The following SGCZ variants were observed in gnomAD, a reference collection of about 807,000 sequenced individuals.
SGCZ encodes zeta-sarcoglycan.
A neutral mutation model predicts 41.3 loss-of-function variants in SGCZ; 40 were observed. The observed-to-expected ratio is 0.97, with a 90% CI of 0.75 to 1.26. The LOEUF is 1.26. Among genes scored for constraint, SGCZ ranks in the 50% most tolerant of loss-of-function variants. The probability of loss-of-function intolerance (pLI) is 0.00; values close to 1 mark genes in which losing one functional copy is unlikely to be tolerated. For missense variants in SGCZ, 552 were observed against 369.8 expected (o/e 1.49, Z -4.04); for synonymous variants, 206 against 137.5 (o/e 1.50, Z -3.49).
chr8:14,620,252 C>T (rs1180074933), intron 1 of SGCZ, among the ~76,000 whole-genome samples: 1 of 152,120 alleles, frequency 6.6e-6, no homozygotes, highest in Non-Finnish European at 1.5e-5. Flanking sequence ...AAAGCTGAAA[C>T]TGGATCCCTT....
At chr8:14,139,935 A>T (rs1186153180) in intron 5 of SGCZ, among the ~76,000 whole-genome samples, 2 of 152,224 alleles carry the variant, frequency 1.3e-5, no homozygotes, top group African/African-American at 4.8e-5. Flanking sequence ...AAAAATCCTC[A>T]ATAAAATACT....
intron 7 of SGCZ, among the ~76,000 whole-genome samples, chr8:14,101,252 G>A (rs551902068): frequency 6.6e-6 from 1 of 152,110 alleles, no homozygotes; most frequent in Non-Finnish European, 1.5e-5. Context: ...TAAGTCAGTG[G>A]CATGAGGCAC....
At chr8:14,664,376 A>G (rs775572146) in intron 1 of SGCZ, among the ~76,000 whole-genome samples, 2 of 152,188 alleles carry the variant, frequency 1.3e-5, no homozygotes, top group Non-Finnish European at 1.5e-5. Context: ...ACGAGGGACC[A>G]TATTTTACTC....
chr8:14,856,659 C>A (rs185700846), intron 1 of SGCZ, among the ~76,000 whole-genome samples: 3 of 152,002 alleles, frequency 2.0e-5, no homozygotes, highest in Admixed American at 1.3e-4. Context: ...CTGATTGTTC[C>A]AATAGGAAAT....
intron 2 of SGCZ, among the ~76,000 whole-genome samples, chr8:14,427,258 A>C (rs1182926689): frequency 6.6e-6 from 1 of 152,176 alleles, no homozygotes; most frequent in Non-Finnish European, 1.5e-5. Flanking sequence ...TGGATGAGGA[A>C]ATAAGCTATA....
chr8:14,367,396 C>G (rs149627130), intron 2 of SGCZ, among the ~76,000 whole-genome samples: 5 of 152,188 alleles, frequency 3.3e-5, no homozygotes, highest in Middle Eastern at 3.4e-3. Context: ...CCTGTTAGTT[C>G]CAAGGTCGCT....
chr8:14,649,890 G>T (rs771556094), intron 1 of SGCZ, among the ~76,000 whole-genome samples: 1 of 151,986 alleles, frequency 6.6e-6, no homozygotes, highest in Non-Finnish European at 1.5e-5. Flanking sequence ...CCTAGAAATA[G>T]CTTGATGAGA....
At chr8:15,084,093 G>A (rs778597556) in intron 1 of SGCZ, among the ~76,000 whole-genome samples, 2 of 152,104 alleles carry the variant, frequency 1.3e-5, no homozygotes, top group Non-Finnish European at 2.9e-5. Flanking sequence ...TATCTGCCTG[G>A]TTTAAAATTT....
At chr8:14,894,851 C>T (rs1805135613) in intron 1 of SGCZ, among the ~76,000 whole-genome samples, 2 of 152,268 alleles carry the variant, frequency 1.3e-5, no homozygotes, top group South Asian at 4.1e-4. Flanking sequence ...GTTACTTCTC[C>T]TCAGAGTTTC....
intron 4 of SGCZ, among the ~76,000 whole-genome samples, chr8:14,215,985 G>C (rs180687561): frequency 1.3e-5 from 2 of 152,216 alleles, no homozygotes; most frequent in Admixed American, 1.3e-4. Context: ...CCTGAGGAGG[G>C]TGCTGTAAAA....
At chr8:14,407,494 T>A (rs1208163415) in intron 2 of SGCZ, among the ~76,000 whole-genome samples, 1 of 152,110 alleles carries the variant, frequency 6.6e-6, no homozygotes, top group African/African-American at 2.4e-5. Flanking sequence ...AGTTTCATAA[T>A]CCTACCTATT....
At chr8:14,273,932 T>C (rs1227918853) in intron 3 of SGCZ, among the ~76,000 whole-genome samples, 2 of 152,174 alleles carry the variant, frequency 1.3e-5, no homozygotes, top group African/African-American at 2.4e-5. Flanking sequence ...AACTGAACTA[T>C]TTTTAGCAAA....
chr8:14,207,982 C>A (rs775181242), intron 4 of SGCZ, among the ~76,000 whole-genome samples: 2 of 152,118 alleles, frequency 1.3e-5, no homozygotes, highest in Admixed American at 6.5e-5. Context: ...AAATGCTGAA[C>A]TGTCTTTATA....
intron 2 of SGCZ, among the ~76,000 whole-genome samples, chr8:14,527,998 A>G (rs1474634689): frequency 6.6e-6 from 1 of 152,108 alleles, no homozygotes. Context: ...TACATGTTTC[A>G]AAATTAGCTA....
At chr8:14,900,527 A>T (rs1798936104) in intron 1 of SGCZ, among the ~76,000 whole-genome samples, 1 of 152,140 alleles carries the variant, frequency 6.6e-6, no homozygotes, top group Non-Finnish European at 1.5e-5. Flanking sequence ...AACAAACTCA[A>T]CTATACCGCT....
chr8:14,926,654 G>GT (rs1487495115), intron 1 of SGCZ, among the ~76,000 whole-genome samples: 15 of 147,346 alleles, frequency 1.0e-4, no homozygotes, highest in African/African-American at 3.0e-4. Context: ...GTTTTTTTTT[G>GT]TTTTTTTGAG....
chr8:14,243,704 T>C (rs190249276), intron 3 of SGCZ, among the ~76,000 whole-genome samples: 212 of 152,298 alleles, frequency 1.4e-3, no homozygotes, highest in Middle Eastern at 0.01. Flanking sequence ...CTGAAATTCT[T>C]ATCCATGTCT....
At chr8:15,151,633 A>G (rs1168814744) in intron 1 of SGCZ, among the ~76,000 whole-genome samples, 1 of 152,232 alleles carries the variant, frequency 6.6e-6, no homozygotes, top group Non-Finnish European at 1.5e-5. Context: ...AAATACTTCA[A>G]ACTATTTTCA....
intron 1 of SGCZ, among the ~76,000 whole-genome samples, chr8:14,859,223 A>G (rs1274265752): frequency 2.0e-5 from 3 of 152,128 alleles, no homozygotes; most frequent in Admixed American, 6.6e-5. Flanking sequence ...TCAAGATTCA[A>G]TAAAAGCAGT....
Sources: allele counts gnomAD v4.1 joint callset (sites outside exome capture counted in the v4.1 genomes callset), GRCh38; gene constraint gnomAD v4.1.1; transcripts MANE v1.5; gene names NCBI Gene and HGNC (gene_info 2026-07-23, HGNC 2026-07-21).